Variants in NMI observed in about 807,000 individuals in gnomAD.
The protein encoded by NMI is N-myc-interactor.
In NMI, 39 loss-of-function variants were observed where a neutral mutation model predicts 34.3. The observed-to-expected ratio is 1.14, with a 90% CI of 0.88 to 1.49. The LOEUF is 1.49. Ranked by LOEUF, NMI falls within the 40% of genes most tolerant of loss-of-function variation. The pLI is 0.00. For synonymous variants in NMI, 113 were observed against 120.3 expected (o/e 0.94, Z 0.40); for missense variants, 339 against 358.1 (o/e 0.95, Z 0.43).
chr2:151,286,412 A>G (rs1469237752), intron 1 of NMI, among the ~76,000 whole-genome samples: 1 of 152,206 alleles, frequency 6.6e-6, no homozygotes, highest in Non-Finnish European at 1.5e-5. Context: ...AGTAGAAAGC[A>G]TGATCCTCAA....
chr2:151,286,710 T>C (rs761756931), intron 1 of NMI, among the ~76,000 whole-genome samples: 8 of 152,224 alleles, frequency 5.3e-5, no homozygotes, highest in Non-Finnish European at 1.2e-4. Context: ...TTACAACCAC[T>C]GTCTGTTCTG....
At chr2:151,272,683 C>A (rs1056032089) in intron 6 of NMI, among the ~76,000 whole-genome samples, 1 of 152,056 alleles carries the variant, frequency 6.6e-6, no homozygotes, top group Admixed American at 6.6e-5. Context: ...AAGCATCCAC[C>A]AACAGATGAA....
At chr2:151,283,013 A>T in intron 1 of NMI, 59 bp from the exon 2 acceptor site, 1 of 822,430 alleles carries the variant, frequency 1.2e-6, no homozygotes, top group Non-Finnish European at 1.8e-6. Flanking sequence ...TTTAAGAACA[A>T]AGAAATAAGA....
chr2:151,270,550 A>G lies in NMI; in HGVS notation c.*143T>C. On this transcript the variant is annotated 3_prime_UTR_variant, in exon 8 of 8. Transcript: ENST00000243346. ...CATTTGAAACAAAGAAGATTCAGAA[A>G]CATGGAAATAAGTTTTGTATCTAAA... 2 of 648,572 alleles carry G rather than the reference A, an allele frequency of 3.1e-6. No individual in the cohort carries two copies. The highest frequency in any genetic ancestry group is 5.2e-6 in the Non-Finnish European group (2 of 386,560). The allele number at this position is 648,572 out of a possible 1,614,324, so 40.2% of individuals were successfully genotyped here.
rs371192533 is a variant in NMI, at chr2:151,275,591, T to G, written c.527A>C (p.Lys176Thr). The change falls in exon 6 of 8, where the codon AAA becomes ACA. Residue 176 changes from lysine to threonine, a missense_variant. Transcript: ENST00000243346. Reference protein sequence around the residue: ...DTLREDQMRDKLELSFSKSRN... With the variant: ...DTLREDQMRDTLELSFSKSRN... Reference sequence around the variant, plus strand: ...GGACTTTGAAAAGCTCAGCTCTAGTTTGTCTCTCATTTGATCTTCACGCAA... The same window carrying G: ...GGACTTTGAAAAGCTCAGCTCTAGTGTGTCTCTCATTTGATCTTCACGCAA... The G allele has an allele frequency of 7.4e-6, 12 of 1,614,078 alleles. No homozygotes were observed. The highest frequency in any genetic ancestry group is 1.0e-5 in the Non-Finnish European group (12 of 1,180,020).
chr2:151,275,738 A>C lies in NMI; in HGVS notation c.447+20T>G. On this transcript the variant is annotated intron_variant, in intron 5 of 7. Transcript: ENST00000243346. Reference sequence around the variant, plus strand: ...GCTTGTGATGAACAGAAATCCAAAAAATTTTAATCATCCTGTTACCTGGAA... The same window carrying C: ...GCTTGTGATGAACAGAAATCCAAAACATTTTAATCATCCTGTTACCTGGAA... 6.2e-7 allele frequency: 1 copy of C among 1,610,826 alleles called. No homozygotes were observed. Among genetic ancestry groups the C allele is most frequent in the Non-Finnish European group, 8.5e-7 (1 of 1,177,394 alleles).
intron 1 of NMI, 61 bp from the exon 2 acceptor site, chr2:151,283,015 G>GA: frequency 1.2e-6 from 1 of 821,390 alleles, no homozygotes; most frequent in East Asian, 3.1e-5. Context: ...TAAGAACAAA[G>GA]AAATAAGAAC....
chr2:151,273,575 T>A (rs1449804182), intron 6 of NMI, among the ~76,000 whole-genome samples: 2 of 152,206 alleles, frequency 1.3e-5, no homozygotes. Context: ...CAGGCTGGAG[T>A]GCAGTGATGC....
intron 1 of NMI, among the ~76,000 whole-genome samples, chr2:151,284,297 T>C (rs1400701841): frequency 6.6e-6 from 1 of 151,848 alleles, no homozygotes; most frequent in Admixed American, 6.5e-5. Context: ...TTTTATTTTA[T>C]GCATTTAATT....
At chr2:151,287,666 T>A (rs1223133952) in intron 1 of NMI, among the ~76,000 whole-genome samples, 1 of 152,114 alleles carries the variant, frequency 6.6e-6, no homozygotes. Flanking sequence ...TTACTCCCCC[T>A]CCTTTATCTC....
intron 6 of NMI, among the ~76,000 whole-genome samples, chr2:151,273,614 C>G (rs1005177424): frequency 1.3e-5 from 2 of 152,170 alleles, no homozygotes; most frequent in Admixed American, 6.5e-5. Context: ...CCTCCACCCC[C>G]CAGGTTCAAG....
Position 151,275,512 on chromosome 2 carries a change from A to C in NMI, c.606T>G (p.Ser202Arg), listed in dbSNP as rs1029628286. The C allele has an allele frequency of 6.2e-7, 1 of 1,613,802 alleles. No individual in the cohort carries two copies. The highest frequency in any genetic ancestry group is 1.3e-5 in the African/African-American group (1 of 74,932). The change falls in exon 6 of 8, where the codon AGT becomes AGG. Residue 202 changes from serine to arginine, a missense_variant. By Grantham distance (110) the Ser-to-Arg change is moderately radical. Coordinates refer to ENST00000243346, the MANE Select transcript of NMI (RefSeq NM_004688.3). Reference protein sequence around the residue: ...DRVDYDRQSGSAVITFVEIGV... With the variant: ...DRVDYDRQSGRAVITFVEIGV... ...CAATCTCCACAAACGTGATGACTGC[A>C]CTCCCGGACTGTCTGTCATAGTCCA...
chr2:151,287,921 G>A (rs569950749), intron 1 of NMI, among the ~76,000 whole-genome samples: 10 of 152,168 alleles, frequency 6.6e-5, no homozygotes, highest in African/African-American at 2.4e-4. Context: ...GACAGAAACT[G>A]CAATGTTATT....
intron 3 of NMI, 146 bp downstream of exon 3, chr2:151,281,802 G>C (rs549624997): frequency 1.1e-5 from 7 of 632,460 alleles, no homozygotes; most frequent in Non-Finnish European, 1.7e-5. Context: ...GGAATCATTG[G>C]GTTGTTTTCC....
At chr2:151,271,348 G>A (rs1007898705) in intron 7 of NMI, among the ~76,000 whole-genome samples, 5 of 152,206 alleles carry the variant, frequency 3.3e-5, no homozygotes, top group Admixed American at 1.3e-4. Context: ...GTAGACATAT[G>A]AGAGAAATGC....
rs146611480 is a variant in NMI, at chr2:151,270,884, GA to G, written c.742-10del. 1.3e-6 allele frequency: 2 copies of G among 1,593,262 alleles called. No homozygotes were observed. Among genetic ancestry groups the G allele is most frequent in the Non-Finnish European group, 1.7e-6 (2 of 1,168,086 alleles). ...GATGTTCCTGAAAATATCTAAGAAG[GA>G]AAAAATGATAAATAGAAAGATTTCT... On this transcript the variant is annotated splice_polypyrimidine_tract_variant and intron_variant, in intron 7 of 7. Coordinates refer to ENST00000243346, the MANE Select transcript of NMI (RefSeq NM_004688.3).
chr2:151,271,412 A>C (rs1683185034), intron 7 of NMI, among the ~76,000 whole-genome samples: 1 of 152,202 alleles, frequency 6.6e-6, no homozygotes, highest in African/African-American at 2.4e-5. Context: ...GAGTAATTTC[A>C]GTTTTAAAAA....
At chr2:151,272,796 C>A (rs1289447627) in intron 6 of NMI, among the ~76,000 whole-genome samples, 1 of 151,938 alleles carries the variant, frequency 6.6e-6, no homozygotes, top group East Asian at 1.9e-4. Flanking sequence ...ATGGATGGAC[C>A]CTGATAACAT....
chr2:151,285,668 T>C (rs1249133514), intron 1 of NMI, among the ~76,000 whole-genome samples: 1 of 151,682 alleles, frequency 6.6e-6, no homozygotes, highest in Non-Finnish European at 1.5e-5. Context: ...CTCTGTCTGC[T>C]GAGAAGGCCT....
Sources: gnomAD v4.1 joint callset for allele counts (sites outside exome capture counted in the v4.1 genomes callset) on GRCh38, gnomAD v4.1.1 for gene constraint, MANE v1.5 for transcripts, NCBI Gene and HGNC (gene_info 2026-07-23, HGNC 2026-07-21) for gene names.